The following DMXL2 variants were observed in gnomAD, a reference collection of about 807,000 sequenced individuals.
DMXL2 encodes dmX-like protein 2.
A neutral mutation model predicts 331.1 loss-of-function variants in DMXL2; 103 were observed. The ratio of observed to expected loss-of-function variants is 0.31; its 90% CI spans 0.27 to 0.37. The LOEUF (loss-of-function observed/expected upper bound fraction) is 0.37, where lower values mean the gene tolerates loss of function less well. DMXL2 is among the 10% of genes least tolerant of loss of function. DMXL2 has a pLI of 1.00. For synonymous variants in DMXL2, 1,281 were observed against 1,252.1 expected (o/e 1.02, Z -0.49); for missense variants, 3,171 against 3,642.9 (o/e 0.87, Z 3.33).
At chr15:51,588,984 C>T (rs1337094790) in intron 1 of DMXL2, among the ~76,000 whole-genome samples, 2 of 152,060 alleles carry the variant, frequency 1.3e-5, no homozygotes, top group Non-Finnish European at 2.9e-5. Flanking sequence ...TACATAGAGC[C>T]GTAGGTAAGC....
intron 13 of DMXL2, among the ~76,000 whole-genome samples, chr15:51,528,061 AC>A (rs2047782285): frequency 6.6e-6 from 1 of 151,536 alleles, no homozygotes. Context: ...CTTCATGGTA[AC>A]CTCAAATTAG....
chr15:51,519,787 T>G (rs1237721909), intron 13 of DMXL2, among the ~76,000 whole-genome samples: 2 of 151,438 alleles, frequency 1.3e-5, no homozygotes, highest in Non-Finnish European at 2.9e-5. Context: ...GGACTACAGG[T>G]GCACGCCACC....
intron 16 of DMXL2, 37 bp from the exon 17 acceptor site, chr15:51,503,070 A>T (rs2043795562): frequency 7.7e-7 from 1 of 1,303,374 alleles, no homozygotes; most frequent in Non-Finnish European, 1.1e-6. Context: ...AAATGTATGT[A>T]TATCATTACT....
intron 23 of DMXL2, among the ~76,000 whole-genome samples, chr15:51,482,080 C>T (rs926320042): frequency 2.6e-5 from 4 of 152,100 alleles, no homozygotes; most frequent in Non-Finnish European, 5.9e-5. Flanking sequence ...TTTATTTTAA[C>T]ACCATGTCAA....
At chr15:51,596,374 C>A (rs1328301463) in intron 1 of DMXL2, among the ~76,000 whole-genome samples, 1 of 152,140 alleles carries the variant, frequency 6.6e-6, no homozygotes, top group African/African-American at 2.4e-5. Flanking sequence ...CAATGAGATA[C>A]CATCTCACAC....
At chr15:51,566,899 A>C (rs2050322847) in intron 3 of DMXL2, 1 of 152,190 alleles carries the variant, frequency 6.6e-6, no homozygotes, top group Non-Finnish European at 1.5e-5. Context: ...AAGTAAGACA[A>C]ATATAATATA....
At chr15:51,494,344 A>T (rs1266321371) in intron 19 of DMXL2, among the ~76,000 whole-genome samples, 1 of 152,162 alleles carries the variant, frequency 6.6e-6, no homozygotes, top group Non-Finnish European at 1.5e-5. Flanking sequence ...TAATACTAAG[A>T]CGTATATTAT....
At chr15:51,533,549 T>C (rs1212435398) in intron 13 of DMXL2, among the ~76,000 whole-genome samples, 1 of 152,206 alleles carries the variant, frequency 6.6e-6, no homozygotes, top group East Asian at 1.9e-4. Context: ...AGAACATACT[T>C]CTGCAGGGCA....
At position 51,457,437 on chromosome 15, in the gene DMXL2, G is replaced by C. The variant is rs2141216783; in HGVS notation, c.8228C>G (p.Thr2743Ser). 1.2e-6 allele frequency: 2 copies of C among 1,614,208 alleles called. No homozygotes were observed. Among genetic ancestry groups the C allele is most frequent in the Non-Finnish European group, 1.7e-6 (2 of 1,180,022 alleles). ...SSDDVDYRGS[T>S]TTLYQPSATS... Reference sequence around the variant, plus strand: ...TGCACTGGGTTGATAAAGAGTTGTAGTGGAACCACGATAATCAACATCATC... The same window carrying C: ...TGCACTGGGTTGATAAAGAGTTGTACTGGAACCACGATAATCAACATCATC... The change falls in exon 37 of 44, where the codon ACT becomes AGT. Residue 2743 changes from threonine to serine, a missense_variant. By Grantham distance (58) the Thr-to-Ser change is moderately conservative. Coordinates refer to ENST00000560891, the MANE Select transcript of DMXL2 (RefSeq NM_001378457.1).
chr15:51,471,356 A>C lies in DMXL2; in HGVS notation c.7259T>G (p.Phe2420Cys), dbSNP rs1412276024. 2.4e-5 allele frequency: 39 copies of C among 1,613,868 alleles called. No homozygotes were observed. The highest frequency in any genetic ancestry group is 2.9e-5 in the Non-Finnish European group (34 of 1,179,930). The change falls in exon 29 of 44, where the codon TTT (phenylalanine) becomes TGT (cysteine). Residue 2420 changes from phenylalanine (F) to cysteine (C), a missense_variant. By Grantham distance (205) the Phe-to-Cys change is radical. This residue lies in a region of DMXL2 where 766 missense variants were observed against 940.5 expected (regional missense o/e 0.81). Coordinates refer to ENST00000560891, the MANE Select transcript of DMXL2 (RefSeq NM_001378457.1). ...SEDIDKHRRRFNMRMLVPGRP... is the reference protein window; with the variant it reads ...SEDIDKHRRRCNMRMLVPGRP... ...TCCAGGGACGAGCATTCTCATGTTA[A>C]ATCTCCTACGGTGTTTATCTATGTC... is the stretch of plus-strand genomic sequence containing the variant.
chr15:51,538,329 T>C lies in DMXL2; in HGVS notation c.1229A>G (p.Gln410Arg). ...FTSSTEVFMH[Q>R]LRKLSDKQVD... ...CTGCTTATCAGAAAGTTTTCGTAATTGATGCATAAATACTTCTGTAGATGA... is the reference window on the plus strand; with the variant it reads ...CTGCTTATCAGAAAGTTTTCGTAATCGATGCATAAATACTTCTGTAGATGA... Residue 410 changes from glutamine (Q) to arginine (R), a missense_variant, in exon 10 of 44, where the codon CAA becomes CGA. This residue lies in a region of DMXL2 where 1,674 missense variants were observed against 1,780.2 expected (regional missense o/e 0.94). Coordinates refer to ENST00000560891, the MANE Select transcript of DMXL2 (RefSeq NM_001378457.1). 2 of 1,613,922 alleles carry C rather than the reference T, an allele frequency of 1.2e-6. No homozygotes were observed. The highest frequency in any genetic ancestry group is 1.7e-6 in the Non-Finnish European group (2 of 1,179,872).
intron 19 of DMXL2, among the ~76,000 whole-genome samples, chr15:51,492,997 T>C (rs1265260307): frequency 6.6e-6 from 1 of 152,212 alleles, no homozygotes; most frequent in African/African-American, 2.4e-5. Context: ...AATAACAATC[T>C]TAACTCTTTT....
chr15:51,550,093 T>C (rs1054128387), intron 6 of DMXL2, among the ~76,000 whole-genome samples: 1 of 152,184 alleles, frequency 6.6e-6, no homozygotes, highest in Non-Finnish European at 1.5e-5. Context: ...CAAGTAAGTT[T>C]CATACTAGAG....
At chr15:51,523,588 G>A (rs527260952) in intron 13 of DMXL2, among the ~76,000 whole-genome samples, 1 of 152,316 alleles carries the variant, frequency 6.6e-6, no homozygotes, top group South Asian at 2.1e-4. Context: ...TACAGTAGGT[G>A]CAAAATCTAA....
At chr15:51,571,898 T>C (rs546269028) in intron 2 of DMXL2, among the ~76,000 whole-genome samples, 111 of 151,898 alleles carry the variant, frequency 7.3e-4, no homozygotes, top group African/African-American at 2.5e-3. Context: ...AGAGCAAACA[T>C]ATTCAAAAGC....
chr15:51,607,618 G>T (rs1016323318), intron 1 of DMXL2, among the ~76,000 whole-genome samples: 5 of 152,016 alleles, frequency 3.3e-5, no homozygotes, highest in Non-Finnish European at 7.4e-5. Flanking sequence ...AATGATGAAA[G>T]ATATTAATTT....
chr15:51,567,386 GC>G (rs1479967454), intron 3 of DMXL2: 1 of 151,934 alleles, frequency 6.6e-6, no homozygotes, highest in Non-Finnish European at 1.5e-5. Flanking sequence ...AGTGAAAAAA[GC>G]TTCCTACCCT....
intron 18 of DMXL2, among the ~76,000 whole-genome samples, 162 bp downstream of exon 18, chr15:51,498,378 CTCAACCGTCTTT>C (rs1386122703): frequency 1.1e-4 from 17 of 152,154 alleles, no homozygotes; most frequent in African/African-American, 4.1e-4. Context: ...ATATGCCGGC[CTCAACCGTCTTT>C]TCTAACTGAG....
chr15:51,576,208 T>TTAAAAAAA (rs2141133792), intron 1 of DMXL2, 27 bp from the exon 2 acceptor site: 4 of 857,682 alleles, frequency 4.7e-6, no homozygotes, highest in Non-Finnish European at 4.6e-6. Context: ...AAAAAAGTTT[T>TTAAAAAAA]ACAATACATA....
Sources: allele counts gnomAD v4.1 joint callset (sites outside exome capture counted in the v4.1 genomes callset), GRCh38; gene constraint gnomAD v4.1.1; regional missense constraint gnomAD v4.1.1; transcripts MANE v1.5; gene names NCBI Gene and HGNC (gene_info 2026-07-23, HGNC 2026-07-21).